Variants in UXS1 observed in about 807,000 individuals in gnomAD.
The protein encoded by UXS1 is UDP-glucuronate decarboxylase 1.
A neutral mutation model predicts 62.6 loss-of-function variants in UXS1; 33 were observed. The ratio of observed to expected loss-of-function variants is 0.53; its 90% CI spans 0.40 to 0.70. The LOEUF is 0.70. Ranked by LOEUF, UXS1 falls within the 30% of genes least tolerant of loss-of-function variation. The pLI is 0.00. For synonymous variants in UXS1, 213 were observed against 206.8 expected (o/e 1.03, Z -0.26); for missense variants, 434 against 556.3 (o/e 0.78, Z 2.21).
chr2:106,173,221 A>G (rs1219649049), intron 1 of UXS1, among the ~76,000 whole-genome samples: 1 of 152,184 alleles, frequency 6.6e-6, no homozygotes, highest in African/African-American at 2.4e-5. Context: ...AAGCCTGACT[A>G]AAAAGCTCCC....
At chr2:106,156,191 T>C (rs143670908) in intron 5 of UXS1, among the ~76,000 whole-genome samples, 5 of 152,202 alleles carry the variant, frequency 3.3e-5, no homozygotes, top group African/African-American at 1.2e-4. Context: ...AATTCAATGA[T>C]GAAAAGAAAA....
chr2:106,159,543 C>T (rs556599025), intron 4 of UXS1, among the ~76,000 whole-genome samples: 1 of 152,302 alleles, frequency 6.6e-6, no homozygotes, highest in South Asian at 2.1e-4. Context: ...GAATATAAAA[C>T]GTCCAGTGAG....
chr2:106,129,148 C>T (rs1204355332), intron 7 of UXS1, among the ~76,000 whole-genome samples: 1 of 152,186 alleles, frequency 6.6e-6, no homozygotes, highest in Non-Finnish European at 1.5e-5. Context: ...TTTACTAATG[C>T]GAACCCTGAA....
chr2:106,187,247 G>A (rs1684618506), intron 1 of UXS1, among the ~76,000 whole-genome samples: 1 of 152,036 alleles, frequency 6.6e-6, no homozygotes, highest in South Asian at 2.1e-4. Flanking sequence ...CAACCCTCAG[G>A]CTCCTACAGG....
In UXS1 at chr2:106,145,450, A is replaced by C; in HGVS notation, c.292-80T>G. 2.0e-6 allele frequency: 3 copies of C among 1,470,638 alleles called. No individual in the cohort carries two copies. In the South Asian group the frequency reaches 4.2e-5, roughly 21 times the overall value. The allele number at this position is 1,470,638 out of a possible 1,614,324, so 91.1% of individuals were successfully genotyped here. A position where few individuals can be genotyped will look rare whatever the true frequency, so the allele number is the denominator to read the frequency against. ...GTGAGGACCAGCTCCACGGAGAGAC[A>C]TCTCTGGTGCAGCCACGACTTAAAA... On this transcript the variant is annotated intron_variant, in intron 5 of 14. Transcript: ENST00000283148.
chr2:106,171,059 C>T (rs1159784705), intron 1 of UXS1, among the ~76,000 whole-genome samples: 1 of 152,090 alleles, frequency 6.6e-6, no homozygotes, highest in Non-Finnish European at 1.5e-5. Context: ...ACACAGCTTT[C>T]AAGATATTTT....
chr2:106,159,991 T>G (rs532214479), intron 4 of UXS1: 1 of 152,284 alleles, frequency 6.6e-6, no homozygotes, highest in African/African-American at 2.4e-5. Flanking sequence ...GGGCTCCCCC[T>G]TGTGAGCTCA....
At chr2:106,181,072 AAG>A (rs1684211333) in intron 1 of UXS1, among the ~76,000 whole-genome samples, 1 of 152,256 alleles carries the variant, frequency 6.6e-6, no homozygotes, top group South Asian at 2.1e-4. Flanking sequence ...ATTAAAGAAA[AAG>A]AGGGAAACCA....
chr2:106,152,649 A>G (rs1682129993), intron 5 of UXS1, among the ~76,000 whole-genome samples: 2 of 152,110 alleles, frequency 1.3e-5, no homozygotes, highest in African/African-American at 4.8e-5. Flanking sequence ...TTAAGTAAGA[A>G]CAGCAAGAGT....
intron 1 of UXS1, among the ~76,000 whole-genome samples, chr2:106,169,222 T>C (rs1450763995): frequency 2.6e-5 from 4 of 152,228 alleles, no homozygotes; most frequent in African/African-American, 9.6e-5. Context: ...ATAAGTATAC[T>C]GTCTCATTTT....
chr2:106,168,272 C>T (rs998104243), intron 1 of UXS1, among the ~76,000 whole-genome samples: 1 of 152,156 alleles, frequency 6.6e-6, no homozygotes, highest in African/African-American at 2.4e-5. Context: ...GACCTCTGGC[C>T]GTCCTCGCTG....
intron 6 of UXS1, chr2:106,138,877 A>G: frequency 2.0e-6 from 2 of 985,402 alleles, no homozygotes; most frequent in Non-Finnish European, 2.4e-6. Flanking sequence ...TCCAGTTCCT[A>G]TCCTAAAAAG....
chr2:106,144,680 G>T (rs2104994939), intron 6 of UXS1, among the ~76,000 whole-genome samples: 1 of 152,314 alleles, frequency 6.6e-6, no homozygotes, highest in Admixed American at 6.5e-5. Context: ...TGGCAGATTG[G>T]GTGCTGGTGA....
In UXS1 at chr2:106,094,101, C is replaced by A. The variant is rs1257164467; in HGVS notation, c.1203G>T (p.Glu401Asp). 1.2e-6 allele frequency: 2 copies of A among 1,613,084 alleles called. No individual in the cohort carries two copies. The highest frequency in any genetic ancestry group is 2.7e-5 in the African/African-American group (2 of 74,676). Residue 401 changes from glutamate to aspartate, a missense_variant, in exon 15 of 15, where the codon GAG (glutamate) becomes GAT (aspartate). Glu to Asp is a conservative substitution (Grantham distance 45, BLOSUM62 2). Transcript: ENST00000283148. ...GGATGTACTGATTATTTGCCTGGTA[C>A]TCGAGTTCTTTACGGAAGTAGTGAA... ...KAIHYFRKEL[E>D]YQANNQYIPK...
At chr2:106,139,539 A>G (rs138281868) in intron 6 of UXS1, among the ~76,000 whole-genome samples, 2,040 of 152,262 alleles carry the variant, frequency 0.013, 37 homozygotes, top group African/African-American at 0.047. Flanking sequence ...CATAGGGAAG[A>G]AAAAAATCAC....
At chr2:106,112,215 A>G (rs1467798630) in intron 10 of UXS1, among the ~76,000 whole-genome samples, 1 of 152,198 alleles carries the variant, frequency 6.6e-6, no homozygotes, top group Non-Finnish European at 1.5e-5. Context: ...GGAGGATGGT[A>G]CCGAGGGCCT....
intron 1 of UXS1, among the ~76,000 whole-genome samples, chr2:106,177,307 T>C (rs1683950323): frequency 6.6e-6 from 1 of 151,344 alleles, no homozygotes; most frequent in South Asian, 2.1e-4. Context: ...GCGATTCTCC[T>C]GTCTCAGCCT....
chr2:106,146,085 C>T (rs951163961), intron 5 of UXS1, among the ~76,000 whole-genome samples: 17 of 152,200 alleles, frequency 1.1e-4, no homozygotes, highest in South Asian at 8.3e-4. Flanking sequence ...AAGTCAACTG[C>T]GCTTGAAAAA....
At chr2:106,181,607 C>A (rs1349294781) in intron 1 of UXS1, among the ~76,000 whole-genome samples, 1 of 152,104 alleles carries the variant, frequency 6.6e-6, no homozygotes, top group East Asian at 1.9e-4. Flanking sequence ...TAGTCTCCTA[C>A]TCAGGAGACT....
Sources: allele counts gnomAD v4.1 joint callset (sites outside exome capture counted in the v4.1 genomes callset), GRCh38; gene constraint gnomAD v4.1.1; transcripts MANE v1.5; gene names NCBI Gene and HGNC (gene_info 2026-07-23, HGNC 2026-07-21).